The following SNTG1 variants were observed in gnomAD, a reference collection of about 807,000 sequenced individuals.
The protein encoded by SNTG1 is gamma-1-syntrophin.
Under a neutral mutation model 74.7 loss-of-function variants are expected in SNTG1, and 39 were observed. The ratio of observed to expected loss-of-function variants is 0.52; its 90% CI spans 0.40 to 0.68. The LOEUF (loss-of-function observed/expected upper bound fraction) is 0.68, where lower values mean the gene tolerates loss of function less well. Ranked by LOEUF, SNTG1 falls within the 30% of genes least tolerant of loss-of-function variation. The pLI is 0.00. For missense variants in SNTG1, 685 were observed against 609.5 expected, an observed-to-expected ratio of 1.12 and a Z score of -1.30; for synonymous variants, 254 against 217.1, an observed-to-expected ratio of 1.17 and a Z score of -1.49.
At chr8:50,701,769 C>T (rs927062725) in intron 15 of SNTG1, among the ~76,000 whole-genome samples, 4 of 143,776 alleles carry the variant, frequency 2.8e-5, no homozygotes, top group South Asian at 2.3e-4. Flanking sequence ...TCTTCTTCTT[C>T]TTCTTTCTCT....
chr8:50,555,151 C>T (rs1416223785), intron 12 of SNTG1, among the ~76,000 whole-genome samples: 3 of 152,146 alleles, frequency 2.0e-5, no homozygotes, highest in Non-Finnish European at 4.4e-5. Context: ...GCTTGTTTTT[C>T]ATCCTTGTAA....
intron 2 of SNTG1, among the ~76,000 whole-genome samples, chr8:50,197,040 A>AT (rs1411574747): frequency 1.3e-5 from 2 of 152,018 alleles, no homozygotes; most frequent in Admixed American, 1.3e-4. Context: ...GAAAACAGGA[A>AT]TTTTTAAAAT....
Position 50,255,947 on chromosome 8 carries a change from T to C in SNTG1, c.-28+83312T>C, listed in dbSNP as rs536958286. The stretch of plus-strand genomic sequence containing the variant: ...TAGGACAGGCAAACCCTACCTTGCC[T>C]ATAAGACCTATCACAAGGTGTCTGT... On this transcript the variant is annotated intron_variant, in intron 2 of 18. Transcript: ENST00000642720. Among the ~76,000 whole-genome samples, 6 of 152,308 alleles carry C rather than the reference T, an allele frequency of 3.9e-5. No homozygotes were observed. The South Asian group carries it at 1.2e-3, about 32-fold the overall frequency.
At chr8:49,921,364 G>T (rs980291148) in intron 1 of SNTG1, among the ~76,000 whole-genome samples, 10 of 151,978 alleles carry the variant, frequency 6.6e-5, no homozygotes, top group African/African-American at 2.4e-4. Flanking sequence ...GTTCCTTTGG[G>T]TTTGCTCAAA....
At chr8:50,029,973 T>C (rs1163433970) in intron 1 of SNTG1, among the ~76,000 whole-genome samples, 1 of 152,106 alleles carries the variant, frequency 6.6e-6, no homozygotes, top group African/African-American at 2.4e-5. Context: ...CAACAGTGTA[T>C]GAGGGTTCCC....
chr8:50,241,956 G>A (rs1254302292), intron 2 of SNTG1, among the ~76,000 whole-genome samples: 3 of 151,740 alleles, frequency 2.0e-5, no homozygotes. Flanking sequence ...CTCACTTCTG[G>A]AGTGATGGGG....
chr8:50,715,368 T>C (rs565121256), intron 17 of SNTG1, among the ~76,000 whole-genome samples: 2 of 152,308 alleles, frequency 1.3e-5, no homozygotes, highest in South Asian at 4.1e-4. Context: ...TCTGATTGCT[T>C]TTATTATTAT....
At chr8:50,585,041 T>G (rs998782361) in intron 12 of SNTG1, among the ~76,000 whole-genome samples, 8 of 152,100 alleles carry the variant, frequency 5.3e-5, no homozygotes, top group Admixed American at 3.9e-4. Context: ...CATACAGAAT[T>G]TTCATAGATA....
chr8:50,293,080 C>A (rs891040112), intron 2 of SNTG1, among the ~76,000 whole-genome samples: 1 of 152,128 alleles, frequency 6.6e-6, no homozygotes, highest in Non-Finnish European at 1.5e-5. Flanking sequence ...CTTGGAACAA[C>A]CTGCGTGTAG....
chr8:50,116,713 A>G (rs1363307337), intron 1 of SNTG1, among the ~76,000 whole-genome samples: 1 of 152,166 alleles, frequency 6.6e-6, no homozygotes, highest in Non-Finnish European at 1.5e-5. Context: ...TGTGCCAGAA[A>G]TGTCTATTTT....
At chr8:49,968,050 T>C (rs183516681) in intron 1 of SNTG1, among the ~76,000 whole-genome samples, 1 of 152,090 alleles carries the variant, frequency 6.6e-6, no homozygotes, top group African/African-American at 2.4e-5. Flanking sequence ...CAGTTATGCT[T>C]ACTCTATACC....
chr8:50,750,025 A>C (rs2131694264), intron 17 of SNTG1, among the ~76,000 whole-genome samples: 1 of 152,160 alleles, frequency 6.6e-6, no homozygotes. Context: ...TTGGCAGTCA[A>C]TTAAAAACTT....
intron 15 of SNTG1, among the ~76,000 whole-genome samples, chr8:50,685,000 T>C (rs56267139): frequency 0.1 from 15,575 of 150,776 alleles, 2,267 homozygotes; most frequent in African/African-American, 0.33. Flanking sequence ...ATTCACCTTT[T>C]TCTTACTTAA....
At chr8:50,160,594 C>T (rs1387990550) in intron 1 of SNTG1, among the ~76,000 whole-genome samples, 2 of 151,914 alleles carry the variant, frequency 1.3e-5, no homozygotes, top group Non-Finnish European at 2.9e-5. Context: ...AATAAAATAA[C>T]ATAGTGTATT....
At position 50,424,724 on chromosome 8, in the gene SNTG1, T is replaced by A. The variant is rs376715018; in HGVS notation, c.163-13819T>A. ...TTATGATTGAAAACATTAAAATATG[T>A]GACTTTGTTAAGAGGAGTTTTACTG... On this transcript the variant is annotated intron_variant, in intron 4 of 18. Transcript: ENST00000642720. Among the ~76,000 whole-genome samples the A allele has an allele frequency of 8.5e-4, 129 of 152,314 alleles. 1 individual carries two copies. Among genetic ancestry groups the A allele is most frequent in the African/African-American group, 2.4e-3 (101 of 41,576 alleles).
Position 50,684,879 on chromosome 8 carries a change from C to T in SNTG1, c.1039-19721C>T, listed in dbSNP as rs2095345891. On this transcript the variant is annotated intron_variant, in intron 15 of 18. Coordinates refer to ENST00000642720, the MANE Select transcript of SNTG1 (RefSeq NM_018967.5). ...ATTAGGCGTATCTCCCAATGCTATC[C>T]CTCCCCCCTCCCCCCACCCCACCAC... Among the ~76,000 whole-genome samples the T allele has an allele frequency of 1.0e-4, 11 of 105,670 alleles. No homozygotes were observed. The Admixed American group carries it at 1.3e-3, about 12-fold the overall frequency. 69.3% of individuals were successfully genotyped at this position (105,670 alleles called of 152,430 possible). A position where few individuals can be genotyped will look rare whatever the true frequency, so the allele number is the denominator to read the frequency against.
intron 1 of SNTG1, among the ~76,000 whole-genome samples, chr8:50,145,188 G>T (rs998734284): frequency 6.6e-6 from 1 of 152,180 alleles, no homozygotes; most frequent in African/African-American, 2.4e-5. Flanking sequence ...AAAAGGGGGA[G>T]CCTCATTGGA....
chr8:50,211,608 G>C (rs1303429391), intron 2 of SNTG1, among the ~76,000 whole-genome samples: 1 of 151,986 alleles, frequency 6.6e-6, no homozygotes, highest in Non-Finnish European at 1.5e-5. Flanking sequence ...GCTATGTATT[G>C]CTACTTCTCA....
chr8:50,724,444 A>T (rs1161789032), intron 17 of SNTG1, among the ~76,000 whole-genome samples: 2 of 152,182 alleles, frequency 1.3e-5, no homozygotes, highest in East Asian at 3.9e-4. Flanking sequence ...ATAAATAATT[A>T]TTAGCTAACA....
Sources: gnomAD v4.1 joint callset for allele counts (sites outside exome capture counted in the v4.1 genomes callset) on GRCh38, gnomAD v4.1.1 for gene constraint, MANE v1.5 for transcripts, NCBI Gene and HGNC (gene_info 2026-07-23, HGNC 2026-07-21) for gene names.